The following HEMK2 variants were observed in gnomAD, a reference collection of about 807,000 sequenced individuals.
The protein encoded by HEMK2 is HemK methyltransferase 2, ETF1 glutamine and histone H4 lysine.
At chr21:28,814,677 C>T in the HEMK2 span, among the ~76,000 whole-genome samples, 73 of 152,164 alleles carry the variant, frequency 4.8e-4, no homozygotes, top group South Asian at 0.011. Context: ...AAAACCACAA[C>T]GAGATACCAT....
At chr21:28,876,337 T>A in the HEMK2 span, 19 of 1,291,118 alleles carry the variant, frequency 1.5e-5, no homozygotes, top group South Asian at 2.8e-4. Flanking sequence ...AGTTTCAAAA[T>A]ATGCTAAATG....
the HEMK2 span, chr21:28,671,104 GA>G: frequency 6.6e-6 from 1 of 152,346 alleles, no homozygotes; most frequent in South Asian, 2.1e-4. Flanking sequence ...AAGATGTATG[GA>G]ACAAGGAGGG....
the HEMK2 span, among the ~76,000 whole-genome samples, chr21:28,771,401 A>T: frequency 6.6e-6 from 1 of 152,080 alleles, no homozygotes; most frequent in Admixed American, 6.6e-5. Flanking sequence ...CCTGACCAGG[A>T]GACATTTGGT....
the HEMK2 span, among the ~76,000 whole-genome samples, chr21:28,690,467 T>C: frequency 6.6e-6 from 1 of 152,214 alleles, no homozygotes; most frequent in African/African-American, 2.4e-5. Flanking sequence ...CAAGCTCACC[T>C]GGACTTCTGA....
At chr21:28,807,034 T>C in the HEMK2 span, among the ~76,000 whole-genome samples, 1 of 152,218 alleles carries the variant, frequency 6.6e-6, no homozygotes. Context: ...TAAACTGAGG[T>C]TCCTGCTTAA....
the HEMK2 span, among the ~76,000 whole-genome samples, chr21:28,722,806 C>A: frequency 6.6e-6 from 1 of 152,194 alleles, no homozygotes; most frequent in Non-Finnish European, 1.5e-5. Context: ...ATCGCTTGAA[C>A]CCAGAAGGCG....
chr21:28,600,162 T>G, the HEMK2 span, among the ~76,000 whole-genome samples: 1 of 152,248 alleles, frequency 6.6e-6, no homozygotes, highest in African/African-American at 2.4e-5. Flanking sequence ...GGACTCTGTG[T>G]GGGGGCTTTA....
chr21:28,593,780 G>T, the HEMK2 span, among the ~76,000 whole-genome samples: 1 of 152,300 alleles, frequency 6.6e-6, no homozygotes, highest in East Asian at 1.9e-4. Context: ...AGTCCATTTA[G>T]ATGTAAATAA....
At chr21:28,820,401 G>GAAGGA in the HEMK2 span, among the ~76,000 whole-genome samples, 1 of 152,162 alleles carries the variant, frequency 6.6e-6, no homozygotes, top group South Asian at 2.1e-4. Flanking sequence ...CATATTGCAA[G>GAAGGA]AAGGAAGACT....
chr21:28,867,770 T>G, the HEMK2 span, among the ~76,000 whole-genome samples: 1 of 152,214 alleles, frequency 6.6e-6, no homozygotes, highest in Non-Finnish European at 1.5e-5. Flanking sequence ...GCCTCAATTT[T>G]CTTTATAATG....
the HEMK2 span, among the ~76,000 whole-genome samples, chr21:28,825,935 A>G: frequency 6.6e-6 from 1 of 152,252 alleles, no homozygotes; most frequent in African/African-American, 2.4e-5. Flanking sequence ...AAGGAAAGAA[A>G]GCACACATGA....
the HEMK2 span, among the ~76,000 whole-genome samples, chr21:28,661,977 A>G: frequency 6.6e-6 from 1 of 152,218 alleles, no homozygotes; most frequent in South Asian, 2.1e-4. Flanking sequence ...ACAGAGAGAA[A>G]GTACCATAAA....
At chr21:28,665,001 G>C in the HEMK2 span, among the ~76,000 whole-genome samples, 1 of 152,088 alleles carries the variant, frequency 6.6e-6, no homozygotes, top group African/African-American at 2.4e-5. Flanking sequence ...TTATAGGCCA[G>C]GCACAGTGGC....
the HEMK2 span, among the ~76,000 whole-genome samples, chr21:28,693,424 C>A: frequency 1.3e-5 from 2 of 152,070 alleles, no homozygotes; most frequent in Admixed American, 6.5e-5. Context: ...ACATTTTCAA[C>A]CTAACAAGGA....
chr21:28,836,973 C>G, the HEMK2 span, among the ~76,000 whole-genome samples: 3 of 152,124 alleles, frequency 2.0e-5, no homozygotes, highest in African/African-American at 7.2e-5. Flanking sequence ...TATCACAATC[C>G]TAAACCCTAA....
chr21:28,755,764 A>G, the HEMK2 span, among the ~76,000 whole-genome samples: 1 of 152,198 alleles, frequency 6.6e-6, no homozygotes, highest in African/African-American at 2.4e-5. Context: ...TGCCTGAGAA[A>G]TGCCTAATAA....
chr21:28,575,843 C>T, the HEMK2 span, among the ~76,000 whole-genome samples: 1 of 152,142 alleles, frequency 6.6e-6, no homozygotes, highest in Non-Finnish European at 1.5e-5. Flanking sequence ...AAGAGAACCA[C>T]ATAGTATGTT....
the HEMK2 span, among the ~76,000 whole-genome samples, chr21:28,670,589 T>C: frequency 3.9e-5 from 6 of 152,204 alleles, no homozygotes; most frequent in African/African-American, 9.6e-5. Flanking sequence ...ACTAAGCTAG[T>C]GAATCTGAGA....
the HEMK2 span, among the ~76,000 whole-genome samples, chr21:28,613,092 AT>A: frequency 1.1e-4 from 16 of 150,568 alleles, no homozygotes; most frequent in South Asian, 4.2e-4. Flanking sequence ...AGATAGATAG[AT>A]AGAAAGATAG....
Sources: allele counts gnomAD v4.1 joint callset (sites outside exome capture counted in the v4.1 genomes callset), GRCh38; gene constraint gnomAD v4.1.1; transcripts MANE v1.5; gene names NCBI Gene and HGNC (gene_info 2026-07-23, HGNC 2026-07-21).